Variants in LDB2 observed in about 807,000 individuals in gnomAD.
The protein encoded by LDB2 is LIM domain binding 2, also known as LIM domain-binding protein 2.
A neutral mutation model predicts 44.3 loss-of-function variants in LDB2; 12 were observed. The ratio of observed to expected loss-of-function variants is 0.27; its 90% CI spans 0.17 to 0.44. The LOEUF is 0.44. Among genes scored for constraint, LDB2 ranks in the 20% least tolerant of loss-of-function variants. LDB2 has a pLI of 1.00. For missense variants in LDB2, 344 were observed against 473.5 expected (o/e 0.73, Z 2.54); for synonymous variants, 164 against 174.8 (o/e 0.94, Z 0.49).
At chr4:16,867,964 C>T (rs1365756266) in intron 1 of LDB2, among the ~76,000 whole-genome samples, 1 of 152,162 alleles carries the variant, frequency 6.6e-6, no homozygotes, top group Non-Finnish European at 1.5e-5. Context: ...AAATGAAATC[C>T]ATTTGCTATC....
At chr4:16,670,244 T>C (rs1161452136) in intron 2 of LDB2, among the ~76,000 whole-genome samples, 2 of 152,216 alleles carry the variant, frequency 1.3e-5, no homozygotes, top group Non-Finnish European at 2.9e-5. Flanking sequence ...GACAGTCTAC[T>C]GGTACAAGCC....
chr4:16,879,560 C>G (rs1580438825), intron 1 of LDB2, among the ~76,000 whole-genome samples: 1 of 152,178 alleles, frequency 6.6e-6, no homozygotes, highest in African/African-American at 2.4e-5. Context: ...GAATATTGAT[C>G]TTTTCCTACT....
intron 2 of LDB2, among the ~76,000 whole-genome samples, chr4:16,609,190 C>T (rs1397432637): frequency 6.6e-6 from 1 of 152,070 alleles, no homozygotes; most frequent in South Asian, 2.1e-4. Flanking sequence ...GGTAAATGAG[C>T]GTGCTACCCA....
intron 2 of LDB2, among the ~76,000 whole-genome samples, chr4:16,637,971 C>T (rs556361751): frequency 6.6e-6 from 1 of 152,270 alleles, no homozygotes; most frequent in East Asian, 1.9e-4. Flanking sequence ...GAGCAAGTGG[C>T]TTCACCTCTC....
intron 2 of LDB2, among the ~76,000 whole-genome samples, chr4:16,695,376 C>A (rs1455647148): frequency 3.3e-5 from 5 of 150,746 alleles, no homozygotes; most frequent in South Asian, 2.1e-4. Flanking sequence ...ACTAAAAATA[C>A]AAAATTAGCC....
chr4:16,544,247 A>G (rs1435738505), intron 5 of LDB2, among the ~76,000 whole-genome samples: 1 of 152,222 alleles, frequency 6.6e-6, no homozygotes, highest in Non-Finnish European at 1.5e-5. Flanking sequence ...CCCTGTGAAC[A>G]ACCAGGGGAA....
intron 1 of LDB2, among the ~76,000 whole-genome samples, chr4:16,828,827 G>T (rs1783535120): frequency 6.6e-6 from 1 of 152,110 alleles, no homozygotes; most frequent in Admixed American, 6.6e-5. Context: ...CTTGGAAGAT[G>T]GTAATTGAAT....
intron 1 of LDB2, among the ~76,000 whole-genome samples, chr4:16,825,239 T>C (rs1382487907): frequency 6.6e-6 from 1 of 152,206 alleles, no homozygotes; most frequent in Non-Finnish European, 1.5e-5. Flanking sequence ...ATTCCTAATA[T>C]GAATCCTCAG....
rs188026973 is a variant in LDB2, at chr4:16,742,168, T to C, written c.235+16990A>G. Among the ~76,000 whole-genome samples, 340 of 149,854 alleles carry C rather than the reference T, an allele frequency of 2.3e-3. 4 individuals carry two copies. Among genetic ancestry groups the C allele is most frequent in the East Asian group, 5.0e-3 (25 of 5,050 alleles). ...CTCACTGCAATCTCCGCCTTTCGGG[T>C]TCAAGCGATTCTCCTGCCTCAGTCT... On this transcript the variant is annotated intron_variant, in intron 2 of 7. Transcript: ENST00000304523.
chr4:16,618,234 C>T (rs1005608568), intron 2 of LDB2, among the ~76,000 whole-genome samples: 3 of 152,114 alleles, frequency 2.0e-5, no homozygotes, highest in Non-Finnish European at 2.9e-5. Context: ...TTCACTGGAC[C>T]GGGATAAGCC....
chr4:16,549,870 A>C (rs1737042938), intron 5 of LDB2, among the ~76,000 whole-genome samples: 1 of 152,226 alleles, frequency 6.6e-6, no homozygotes, highest in African/African-American at 2.4e-5. Flanking sequence ...AAAGAATACA[A>C]AAATTAATAA....
chr4:16,746,631 A>T (rs899665257), intron 2 of LDB2, among the ~76,000 whole-genome samples: 4 of 152,126 alleles, frequency 2.6e-5, no homozygotes, highest in Non-Finnish European at 5.9e-5. Flanking sequence ...TACTAAACAT[A>T]CAAAAATTAG....
intron 5 of LDB2, among the ~76,000 whole-genome samples, chr4:16,517,390 A>G (rs780849099): frequency 6.6e-6 from 1 of 152,318 alleles, no homozygotes; most frequent in Middle Eastern, 3.4e-3. Flanking sequence ...AGAACTGAGC[A>G]TAATAACACA....
At chr4:16,859,419 A>G (rs1182157166) in intron 1 of LDB2, among the ~76,000 whole-genome samples, 2 of 152,228 alleles carry the variant, frequency 1.3e-5, no homozygotes, top group African/African-American at 4.8e-5. Flanking sequence ...CCGCATTTTG[A>G]AAGCCATAAC....
intron 2 of LDB2, among the ~76,000 whole-genome samples, chr4:16,606,570 C>T (rs1372586375): frequency 6.6e-6 from 1 of 152,136 alleles, no homozygotes; most frequent in Non-Finnish European, 1.5e-5. Flanking sequence ...AAAAGTTTAT[C>T]TGCATGTAAA....
intron 5 of LDB2, among the ~76,000 whole-genome samples, chr4:16,551,275 G>A (rs1194909062): frequency 6.6e-6 from 1 of 152,112 alleles, no homozygotes. Flanking sequence ...TTGTATTATG[G>A]ATACATTATT....
At chr4:16,570,915 G>A (rs1746303719) in intron 5 of LDB2, among the ~76,000 whole-genome samples, 1 of 152,144 alleles carries the variant, frequency 6.6e-6, no homozygotes. Flanking sequence ...TATTATCCCT[G>A]TTTTATTGGT....
chr4:16,896,148 ACAGG>A (rs1462914297), intron 1 of LDB2, among the ~76,000 whole-genome samples: 1 of 152,180 alleles, frequency 6.6e-6, no homozygotes, highest in Non-Finnish European at 1.5e-5. Context: ...CTTTACTGTT[ACAGG>A]CAGGGAGGTT....
chr4:16,578,199 C>T (rs1334125547), intron 5 of LDB2, among the ~76,000 whole-genome samples: 2 of 151,982 alleles, frequency 1.3e-5, no homozygotes, highest in Non-Finnish European at 2.9e-5. Context: ...CAAAAATGGA[C>T]AAAAGAGGTC....
Sources: allele counts gnomAD v4.1 joint callset (sites outside exome capture counted in the v4.1 genomes callset), GRCh38; gene constraint gnomAD v4.1.1; transcripts MANE v1.5; gene names NCBI Gene and HGNC (gene_info 2026-07-23, HGNC 2026-07-21).